Variants in CBFA2T2 observed in about 807,000 individuals in gnomAD.
CBFA2T2 encodes protein CBFA2T2.
Under a neutral mutation model 62.2 loss-of-function variants are expected in CBFA2T2, and 11 were observed. The observed-to-expected ratio is 0.18, with a 90% CI of 0.11 to 0.29. The LOEUF (loss-of-function observed/expected upper bound fraction) is 0.29. CBFA2T2 is among the 10% of genes least tolerant of loss of function. CBFA2T2 has a pLI of 1.00. For synonymous variants in CBFA2T2, 295 were observed against 287.5 expected (o/e 1.03, Z -0.27); for missense variants, 592 against 774.1 (o/e 0.76, Z 2.79).
chr20:33,541,666 A>G (rs1203411665), intron 1 of CBFA2T2, among the ~76,000 whole-genome samples: 1 of 152,172 alleles, frequency 6.6e-6, no homozygotes, highest in Non-Finnish European at 1.5e-5. Context: ...TCTGTCAGTT[A>G]CAGGTACATT....
intron 1 of CBFA2T2, among the ~76,000 whole-genome samples, chr20:33,493,803 C>T (rs980538842): frequency 1.4e-4 from 18 of 129,802 alleles, no homozygotes; most frequent in Admixed American, 1.3e-3. Context: ...ACCTGGCCAC[C>T]TAAAATGTTT....
intron 8 of CBFA2T2, among the ~76,000 whole-genome samples, chr20:33,631,471 G>T (rs1382176961): frequency 6.6e-6 from 1 of 152,218 alleles, no homozygotes; most frequent in Non-Finnish European, 1.5e-5. Context: ...TCATTCATCA[G>T]TGAGTCCACA....
At chr20:33,513,788 C>T (rs529028943) in intron 1 of CBFA2T2, among the ~76,000 whole-genome samples, 13 of 119,576 alleles carry the variant, frequency 1.1e-4, no homozygotes, top group South Asian at 2.8e-4. Flanking sequence ...CGCTACTGGC[C>T]GGGTGACAGA....
chr20:33,574,042 G>T (rs2013703278), intron 1 of CBFA2T2: 4 of 1,354,770 alleles, frequency 3.0e-6, no homozygotes, highest in Non-Finnish European at 9.8e-7. Context: ...TCCCATGTTG[G>T]CTGCCCAAAG....
At chr20:33,628,956 A>G (rs1315088797) in intron 7 of CBFA2T2, among the ~76,000 whole-genome samples, 1 of 152,216 alleles carries the variant, frequency 6.6e-6, no homozygotes, top group Non-Finnish European at 1.5e-5. Flanking sequence ...AAAGTCATGT[A>G]GTATAATGGT....
At chr20:33,527,306 A>G (rs986503542) in intron 1 of CBFA2T2, among the ~76,000 whole-genome samples, 3 of 149,464 alleles carry the variant, frequency 2.0e-5, no homozygotes, top group African/African-American at 7.4e-5. Context: ...GGTTCAAGTG[A>G]TTCTCCTGCC....
chr20:33,506,435 A>G (rs2011405167), intron 1 of CBFA2T2, among the ~76,000 whole-genome samples: 1 of 152,170 alleles, frequency 6.6e-6, no homozygotes, highest in African/African-American at 2.4e-5. Flanking sequence ...AGATAAAATA[A>G]AAATCCACTT....
chr20:33,525,348 G>A (rs1336726212), intron 1 of CBFA2T2, among the ~76,000 whole-genome samples: 3 of 151,464 alleles, frequency 2.0e-5, no homozygotes, highest in South Asian at 2.1e-4. Flanking sequence ...CACCATGCCC[G>A]GCTAATTTTG....
intron 6 of CBFA2T2, 45 bp from the exon 7 acceptor site, chr20:33,628,305 G>T: frequency 7.5e-7 from 1 of 1,336,878 alleles, no homozygotes; most frequent in Non-Finnish European, 1.1e-6. Context: ...TGCTTCTATT[G>T]TGTTTTTCCT....
intron 10 of CBFA2T2, 136 bp from the exon 11 acceptor site, chr20:33,644,211 C>G: frequency 1.2e-6 from 1 of 840,582 alleles, no homozygotes; most frequent in Non-Finnish European, 1.8e-6. Flanking sequence ...CAGTAGAGGG[C>G]GGAGTTGACC....
intron 3 of CBFA2T2, 146 bp downstream of exon 3, chr20:33,611,481 T>C: frequency 1.1e-6 from 1 of 930,448 alleles, no homozygotes; most frequent in Non-Finnish European, 1.6e-6. Context: ...GAATAACTTG[T>C]GTAAAACTGT....
chr20:33,572,047 C>T (rs1018414928), intron 1 of CBFA2T2, among the ~76,000 whole-genome samples: 7 of 152,176 alleles, frequency 4.6e-5, no homozygotes, highest in African/African-American at 1.4e-4. Context: ...CCTGCCACCA[C>T]GGGCCTGGCT....
chr20:33,498,532 C>T (rs1178090020), intron 1 of CBFA2T2, among the ~76,000 whole-genome samples: 1 of 151,736 alleles, frequency 6.6e-6, no homozygotes, highest in African/African-American at 2.4e-5. Context: ...GGATTATAGG[C>T]GTGAGCTACC....
intron 8 of CBFA2T2, among the ~76,000 whole-genome samples, chr20:33,633,020 A>T (rs568718026): frequency 7.2e-5 from 11 of 152,072 alleles, no homozygotes; most frequent in African/African-American, 2.6e-4. Flanking sequence ...TGGCCTCCCA[A>T]AGTGCTGGGA....
intron 1 of CBFA2T2, among the ~76,000 whole-genome samples, chr20:33,565,333 G>C (rs1388191110): frequency 6.6e-6 from 1 of 152,196 alleles, no homozygotes; most frequent in African/African-American, 2.4e-5. Flanking sequence ...GAATACTTGA[G>C]AGGATATAGT....
At position 33,490,193 on chromosome 20, in the gene CBFA2T2, G is replaced by A. The variant is rs1326388736; in HGVS notation, c.-75G>A. 7.5e-6 allele frequency: 9 copies of A among 1,203,016 alleles called. No individual in the cohort carries two copies. The highest frequency in any genetic ancestry group is 1.6e-5 in the African/African-American group (1 of 62,884). The allele number at this position is 1,203,016 out of a possible 1,614,324, so 74.5% of individuals were successfully genotyped here. A position where few individuals can be genotyped will look rare whatever the true frequency, so the allele number is the denominator to read the frequency against. On this transcript the variant is annotated 5_prime_UTR_variant, in exon 1 of 11. Coordinates refer to ENST00000342704, the MANE Select transcript of CBFA2T2 (RefSeq NM_001032999.3). Reference sequence around the variant, plus strand: ...CGCCTGCGAGGGACCCGGGCCGCGGGTCGAGGCGGGCGGCGCCTGCGAGGG... The same window carrying A: ...CGCCTGCGAGGGACCCGGGCCGCGGATCGAGGCGGGCGGCGCCTGCGAGGG...
intron 3 of CBFA2T2, among the ~76,000 whole-genome samples, chr20:33,613,705 T>C (rs1251604619): frequency 6.6e-6 from 1 of 152,172 alleles, no homozygotes; most frequent in Admixed American, 6.5e-5. Flanking sequence ...GCCACCCTTA[T>C]CGGTTAGGGA....
intron 1 of CBFA2T2, among the ~76,000 whole-genome samples, chr20:33,594,261 G>T (rs370128509): frequency 4.5e-4 from 68 of 152,108 alleles, no homozygotes; most frequent in African/African-American, 1.6e-3. Flanking sequence ...TCACTCTGTT[G>T]CCCAGGCTGG....
chr20:33,536,961 A>G (rs550562165), intron 1 of CBFA2T2, among the ~76,000 whole-genome samples: 3,883 of 149,168 alleles, frequency 0.026, 134 homozygotes, highest in African/African-American at 0.09. Context: ...CTCACTTCCT[A>G]GACGGGATGG....
Sources: allele counts gnomAD v4.1 joint callset (sites outside exome capture counted in the v4.1 genomes callset), GRCh38; gene constraint gnomAD v4.1.1; transcripts MANE v1.5; gene names NCBI Gene and HGNC (gene_info 2026-07-23, HGNC 2026-07-21).